Variants in GCLC observed in about 807,000 individuals in gnomAD.
GCLC encodes the protein glutamate-cysteine ligase catalytic subunit, also known as glutamate--cysteine ligase catalytic subunit.
A neutral mutation model predicts 81.5 loss-of-function variants in GCLC; 30 were observed. That is an observed-to-expected ratio of 0.37 (90% CI 0.28 to 0.50). The LOEUF is 0.50. Among genes scored for constraint, GCLC ranks in the 20% least tolerant of loss-of-function variants. GCLC has a pLI of 0.96. For missense variants in GCLC, 556 were observed against 777.4 expected, an observed-to-expected ratio of 0.72 and a Z score of 3.39; for synonymous variants, 262 against 273.3, an observed-to-expected ratio of 0.96 and a Z score of 0.41.
At chr6:53,531,535 T>G (rs1357399407) in intron 1 of GCLC, among the ~76,000 whole-genome samples, 1 of 152,150 alleles carries the variant, frequency 6.6e-6, no homozygotes, top group East Asian at 1.9e-4. Context: ...AGGACCAATC[T>G]TCTCAGCCTC....
At chr6:53,516,340 G>A in intron 3 of GCLC, 118 bp from the exon 4 acceptor site, 1 of 721,742 alleles carries the variant, frequency 1.4e-6, no homozygotes, top group East Asian at 2.7e-5. Context: ...CTTTTCAGAG[G>A]GCTTTGTGTT....
chr6:53,541,936 C>T (rs1488531925), intron 1 of GCLC, among the ~76,000 whole-genome samples: 3 of 152,126 alleles, frequency 2.0e-5, no homozygotes, highest in Non-Finnish European at 2.9e-5. Flanking sequence ...TGAACAATCA[C>T]GGCTCACTGC....
At chr6:53,517,194 C>T (rs1764893707) in intron 3 of GCLC, among the ~76,000 whole-genome samples, 1 of 147,322 alleles carries the variant, frequency 6.8e-6, no homozygotes, top group African/African-American at 2.5e-5. Context: ...TCAAGTCATC[C>T]TCCTGCCTCA....
In GCLC at chr6:53,505,565, C is replaced by T. The variant is rs1312484702; in HGVS notation, c.1291-69G>A. On this transcript the variant is annotated intron_variant, in intron 11 of 15. Coordinates refer to ENST00000650454, the MANE Select transcript of GCLC (RefSeq NM_001498.4). ...AACATGCTCTTCCCTGACCCAGGCC[C>T]TTCCTCAGATCATGTCATTCCCAAG... The T allele has an allele frequency of 1.4e-5, 12 of 867,218 alleles. No individual in the cohort carries two copies. The East Asian group carries it at 2.8e-4, about 20-fold the overall frequency. The allele number at this position is 867,218 out of a possible 1,614,324, so 53.7% of individuals were successfully genotyped here.
Position 53,518,047 on chromosome 6 carries a change from T to C in GCLC, c.447-1825A>G, listed in dbSNP as rs573590651. Among the ~76,000 whole-genome samples the C allele has an allele frequency of 2.2e-4, 33 of 152,328 alleles. No individual in the cohort carries two copies. The East Asian group carries it at 5.8e-3, about 27-fold the overall frequency. ...CCTATACTACAACAAAACTTTATCA[T>C]TTATTGTGGATGTATAGGGAGGCTT... On this transcript the variant is annotated intron_variant, in intron 3 of 15. Coordinates refer to ENST00000650454, the MANE Select transcript of GCLC (RefSeq NM_001498.4).
intron 2 of GCLC, among the ~76,000 whole-genome samples, chr6:53,522,119 G>A (rs1253807414): frequency 6.6e-6 from 1 of 152,170 alleles, no homozygotes; most frequent in Non-Finnish European, 1.5e-5. Context: ...TTTATATTTA[G>A]TTTACTGTAC....
At chr6:53,524,326 G>A (rs1479634785) in intron 1 of GCLC, among the ~76,000 whole-genome samples, 1 of 152,206 alleles carries the variant, frequency 6.6e-6, no homozygotes, top group Non-Finnish European at 1.5e-5. Flanking sequence ...TGCTAGGGCT[G>A]TAGAGGGTGC....
At chr6:53,521,929 G>A (rs1481989789) in intron 2 of GCLC, among the ~76,000 whole-genome samples, 6 of 152,174 alleles carry the variant, frequency 3.9e-5, no homozygotes, top group Admixed American at 2.6e-4. Flanking sequence ...AGCTGAGATC[G>A]TGCCACTGCA....
chr6:53,538,620 G>A (rs1247106876), intron 1 of GCLC, among the ~76,000 whole-genome samples: 1 of 152,122 alleles, frequency 6.6e-6, no homozygotes, highest in Non-Finnish European at 1.5e-5. Context: ...AGTCACTTCA[G>A]CATTCTGAAC....
Position 53,506,018 on chromosome 6 carries a change from G to A in GCLC, c.1198-123C>T. 2.8e-6 allele frequency: 2 copies of A among 717,728 alleles called. No individual in the cohort carries two copies. Among genetic ancestry groups the A allele is most frequent in the Admixed American group, 3.9e-5 (2 of 50,828 alleles). The allele number at this position is 717,728 out of a possible 1,614,324, so 44.5% of individuals were successfully genotyped here. A position where few individuals can be genotyped will look rare whatever the true frequency, so the allele number is the denominator to read the frequency against. On this transcript the variant is annotated intron_variant, in intron 10 of 15. Transcript: ENST00000650454. This position sits in a 1 kb window ranked among gnomAD's most constrained non-coding sequence, Gnocchi z 4.0. ...TCCATACCAAATTTCAATTGACAAA[G>A]ACAAAAAGGTACAATTGAAGATTTT...
At position 53,505,017 on chromosome 6, in the gene GCLC, T is replaced by C. The variant is rs115403990; in HGVS notation, c.1395+375A>G. ...GGGGGCAGATTAACTCCAATTTGTTTTTCTGAGAGTTCAATCCCATCCGAA... is the reference window on the plus strand; with the variant it reads ...GGGGGCAGATTAACTCCAATTTGTTCTTCTGAGAGTTCAATCCCATCCGAA... On this transcript the variant is annotated intron_variant, in intron 12 of 15. Coordinates refer to ENST00000650454, the MANE Select transcript of GCLC (RefSeq NM_001498.4). Among the ~76,000 whole-genome samples the C allele has an allele frequency of 8.0e-3, 1,219 of 152,294 alleles. 20 individuals are homozygous for C. The highest frequency in any genetic ancestry group is 0.028 in the African/African-American group (1,176 of 41,558).
chr6:53,506,506 T>C lies in GCLC; in HGVS notation c.1197+407A>G, dbSNP rs796509069. On this transcript the variant is annotated intron_variant, in intron 10 of 15. Transcript: ENST00000650454. The surrounding 1 kb of genome is among the most constrained non-coding windows in gnomAD (Gnocchi z 4.0). ...AGGTATATATGTCAATGTCTACATA[T>C]AACATGACACAGAAATAAATCTATG... 2 of 249,310 alleles carry C rather than the reference T, an allele frequency of 8.0e-6. No homozygotes were observed. The highest frequency in any genetic ancestry group is 2.3e-5 in the African/African-American group (1 of 42,714). The allele number at this position is 249,310 out of a possible 1,614,324, so 15.4% of individuals were successfully genotyped here.
intron 6 of GCLC, among the ~76,000 whole-genome samples, chr6:53,510,883 T>C (rs1022675432): frequency 1.3e-5 from 2 of 152,204 alleles, no homozygotes; most frequent in East Asian, 1.9e-4. Context: ...AGCTGTGTCA[T>C]AGGCATCAAA....
In GCLC at chr6:53,511,162, G is replaced by C. The variant is rs932087679; in HGVS notation, c.754-1912C>G. Among the ~76,000 whole-genome samples, 3 of 140,048 alleles carry C rather than the reference G, an allele frequency of 2.1e-5. No individual in the cohort carries two copies. The Admixed American group carries it at 2.2e-4, about 10-fold the overall frequency. 91.9% of individuals were successfully genotyped at this position (140,048 alleles called of 152,430 possible). A position where few individuals can be genotyped will look rare whatever the true frequency, so the allele number is the denominator to read the frequency against. On this transcript the variant is annotated intron_variant, in intron 6 of 15. Coordinates refer to ENST00000650454, the MANE Select transcript of GCLC (RefSeq NM_001498.4). ...TGCGCAGGACAGCATCTGATACCTGGTTAGTGCTTAACAAATGAGAATCTT... is the reference window on the plus strand; with the variant it reads ...TGCGCAGGACAGCATCTGATACCTGCTTAGTGCTTAACAAATGAGAATCTT...
In GCLC at chr6:53,506,594, A is replaced by AT. The variant is rs909008116; in HGVS notation, c.1197+318dup. 1.3e-5 allele frequency among the ~76,000 whole-genome samples: 2 copies of AT among 152,172 alleles called. No individual in the cohort carries two copies. Among genetic ancestry groups the AT allele is most frequent in the Non-Finnish European group, 2.9e-5 (2 of 68,028 alleles). ...AAGCACTGAAATAACTGATCAGGTT[A>AT]TTTTTTGTGCAGTGTATGTTTGAAT... On this transcript the variant is annotated intron_variant, in intron 10 of 15. Coordinates refer to ENST00000650454, the MANE Select transcript of GCLC (RefSeq NM_001498.4). The surrounding 1 kb of genome is among the most constrained non-coding windows in gnomAD (Gnocchi z 4.0).
Position 53,507,664 on chromosome 6 carries a change from G to C in GCLC, c.946-46C>G, listed in dbSNP as rs374421067. ...TAAATGAATATGCTATATAAAATGA[G>C]TGGAATATATTTTTATATATGATAA... is the stretch of plus-strand genomic sequence containing the variant. On this transcript the variant is annotated intron_variant, in intron 8 of 15. Transcript: ENST00000650454. 143 of 810,746 alleles carry C rather than the reference G, an allele frequency of 1.8e-4. No homozygotes were observed. The African/African-American group carries it at 2.3e-3, about 13-fold the overall frequency. 50.2% of individuals were successfully genotyped at this position (810,746 alleles called of 1,614,324 possible).
chr6:53,514,422 CCT>C lies in GCLC; in HGVS notation c.619+15_619+16del, dbSNP rs762220497. ...AACATGTCTCTCTCCCACCCCACCA[CCT>C]CTCAGTAGACTTACTTGGTACATTG... On this transcript the variant is annotated intron_variant, in intron 5 of 15. Transcript: ENST00000650454. 1.2e-6 allele frequency: 2 copies of C among 1,606,354 alleles called. No individual in the cohort carries two copies. Among genetic ancestry groups the C allele is most frequent in the Non-Finnish European group, 1.7e-6 (2 of 1,172,938 alleles).
intron 1 of GCLC, among the ~76,000 whole-genome samples, chr6:53,541,147 G>A (rs1174944085): frequency 6.6e-6 from 1 of 152,168 alleles, no homozygotes; most frequent in Non-Finnish European, 1.5e-5. Flanking sequence ...ACTCTGGGAG[G>A]CGGAGGTTGC....
intron 1 of GCLC, among the ~76,000 whole-genome samples, chr6:53,525,375 C>T (rs372472299): frequency 2.5e-4 from 38 of 152,082 alleles, no homozygotes; most frequent in African/African-American, 8.5e-4. Context: ...ACGCAATAAC[C>T]GAGATGATTG....
Sources: allele counts gnomAD v4.1 joint callset (sites outside exome capture counted in the v4.1 genomes callset), GRCh38; gene constraint gnomAD v4.1.1; non-coding constraint Gnocchi (gnomAD v3.1); transcripts MANE v1.5; gene names NCBI Gene and HGNC (gene_info 2026-07-23, HGNC 2026-07-21).